Variants in IPO11 observed in about 807,000 individuals in gnomAD.
IPO11 encodes the protein importin 11.
IPO11 carries 66 observed loss-of-function variants against 143.2 expected under a neutral mutation model. That is an observed-to-expected ratio of 0.46 (90% confidence interval 0.38 to 0.57). The LOEUF is 0.57. Ranked by LOEUF, IPO11 falls within the 20% of genes least tolerant of loss-of-function variation. The probability of loss-of-function intolerance (pLI) is 0.00; values close to 1 mark genes in which losing one functional copy is unlikely to be tolerated. For synonymous variants in IPO11, 385 were observed against 377.8 expected (o/e 1.02, Z -0.22); for missense variants, 1,026 against 1,141.0 (o/e 0.90, Z 1.45).
chr5:62,535,816 T>A (rs1459757816), intron 22 of IPO11, among the ~76,000 whole-genome samples: 1 of 152,132 alleles, frequency 6.6e-6, no homozygotes, highest in Non-Finnish European at 1.5e-5. Flanking sequence ...TTTGTCTTAT[T>A]TTGAGTGAAT....
intron 1 of IPO11, among the ~76,000 whole-genome samples, chr5:62,429,326 G>A (rs1468442960): frequency 1.3e-5 from 2 of 152,154 alleles, no homozygotes; most frequent in African/African-American, 4.8e-5. Flanking sequence ...GCTCATTCAT[G>A]TTTTAGTATG....
At chr5:62,566,269 TCCTCAG>T (rs1743936042) in intron 27 of IPO11, among the ~76,000 whole-genome samples, 1 of 152,190 alleles carries the variant, frequency 6.6e-6, no homozygotes, top group Admixed American at 6.5e-5. Context: ...TTCCTATTTA[TCCTCAG>T]CCTCGCCAGC....
At chr5:62,501,588 T>C (rs1362421415) in intron 16 of IPO11, among the ~76,000 whole-genome samples, 1 of 152,172 alleles carries the variant, frequency 6.6e-6, no homozygotes, top group Non-Finnish European at 1.5e-5. Flanking sequence ...AGGAGATGAA[T>C]ACATCAAAGA....
rs1428471822 is a variant in IPO11, at chr5:62,627,882, T to C, written c.*564T>C. 1 of 152,604 alleles carries C rather than the reference T, an allele frequency of 6.6e-6. No individual in the cohort carries two copies. The highest frequency in any genetic ancestry group is 2.4e-5 in the African/African-American group (1 of 41,462). The allele number at this position is 152,604 out of a possible 1,614,324, so 9.5% of individuals were successfully genotyped here. On this transcript the variant is annotated 3_prime_UTR_variant, in exon 30 of 30. Transcript: ENST00000325324. ...CATCTAACATAGAAAGTGTGTTTTA[T>C]CAGACAAATGCTTTTATTTTCATTC...
intron 29 of IPO11, among the ~76,000 whole-genome samples, chr5:62,602,725 CTG>C (rs1240708891): frequency 6.6e-6 from 1 of 152,184 alleles, no homozygotes; most frequent in African/African-American, 2.4e-5. Context: ...TTCTTTTAAA[CTG>C]TTTGAATTTA....
intron 19 of IPO11, among the ~76,000 whole-genome samples, chr5:62,514,655 A>G (rs887274795): frequency 6.6e-6 from 1 of 151,850 alleles, no homozygotes; most frequent in Admixed American, 6.6e-5. Flanking sequence ...GGACATCCCC[A>G]AGGATATTCT....
chr5:62,424,902 A>C (rs957381086), intron 1 of IPO11, among the ~76,000 whole-genome samples: 2 of 152,094 alleles, frequency 1.3e-5, no homozygotes, highest in Non-Finnish European at 2.9e-5. Context: ...AAATTACTTC[A>C]TATTTACCTT....
At chr5:62,591,522 A>G (rs1745010210) in intron 27 of IPO11, 55 bp from the exon 28 acceptor site, 1 of 1,033,270 alleles carries the variant, frequency 9.7e-7, no homozygotes, top group Admixed American at 2.7e-5. Context: ...AAAAAAAAAC[A>G]AAAAGAATTA....
At chr5:62,428,009 G>T (rs1290821895) in intron 1 of IPO11, among the ~76,000 whole-genome samples, 2 of 152,232 alleles carry the variant, frequency 1.3e-5, no homozygotes, top group Non-Finnish European at 2.9e-5. Flanking sequence ...CAAACTGCCA[G>T]ACTTCTGCTG....
At chr5:62,546,439 G>A (rs763333129) in intron 24 of IPO11, among the ~76,000 whole-genome samples, 5 of 152,074 alleles carry the variant, frequency 3.3e-5, no homozygotes, top group Non-Finnish European at 7.4e-5. Context: ...CACACACTGG[G>A]GCCTGTCGTA....
chr5:62,566,576 A>G (rs977926408), intron 27 of IPO11, among the ~76,000 whole-genome samples: 2 of 151,794 alleles, frequency 1.3e-5, no homozygotes, highest in Non-Finnish European at 2.9e-5. Context: ...CTACTAAAAA[A>G]CAATACAGAA....
chr5:62,437,153 A>C (rs1744273635), intron 1 of IPO11, 121 bp from the exon 2 acceptor site: 1 of 641,580 alleles, frequency 1.6e-6, no homozygotes. Flanking sequence ...AAGGCAGAAC[A>C]TGAAGGATTA....
At chr5:62,572,541 GTTTGTTTATTTATTTATTTA>G (rs1159237036) in intron 27 of IPO11, among the ~76,000 whole-genome samples, 49 of 141,664 alleles carry the variant, frequency 3.5e-4, no homozygotes, top group African/African-American at 3.7e-4. Flanking sequence ...ATGTATATTT[GTTTGTTTATTTATTTATTTA>G]TTTATTTATT....
intron 28 of IPO11, among the ~76,000 whole-genome samples, chr5:62,598,380 C>T (rs28673493): frequency 0.68 from 15,752 of 23,334 alleles, 5,494 homozygotes; most frequent in African/African-American, 0.87. Flanking sequence ...AAATTGTTTG[C>T]TTGCTTGCTT....
intron 3 of IPO11, chr5:62,443,414 T>TGC (rs1554047768): frequency 1.8e-4 from 25 of 142,848 alleles, no homozygotes; most frequent in Admixed American, 4.9e-4. Context: ...TGTGTGTGTG[T>TGC]GTGTGTGCGT....
At chr5:62,584,533 A>G (rs557582370) in intron 27 of IPO11, among the ~76,000 whole-genome samples, 123 of 144,248 alleles carry the variant, frequency 8.5e-4, no homozygotes, top group Admixed American at 3.8e-3. Flanking sequence ...GGATTGCTTG[A>G]GCCCAGCGGG....
chr5:62,621,194 G>A (rs1428690923), intron 29 of IPO11, among the ~76,000 whole-genome samples: 1 of 152,176 alleles, frequency 6.6e-6, no homozygotes, highest in Non-Finnish European at 1.5e-5. Context: ...TAAGTTTTAA[G>A]TATTGGCAAA....
At chr5:62,461,819 T>C (rs1745369056) in intron 5 of IPO11, among the ~76,000 whole-genome samples, 1 of 152,200 alleles carries the variant, frequency 6.6e-6, no homozygotes, top group African/African-American at 2.4e-5. Context: ...ACAGAAATGT[T>C]TCAGATTTTT....
intron 5 of IPO11, among the ~76,000 whole-genome samples, chr5:62,461,361 C>T (rs562078054): frequency 1.2e-4 from 18 of 152,144 alleles, no homozygotes; most frequent in Non-Finnish European, 2.4e-4. Flanking sequence ...TTGATGATAT[C>T]AATGTCAAGG....
Sources: allele counts gnomAD v4.1 joint callset (sites outside exome capture counted in the v4.1 genomes callset), GRCh38; gene constraint gnomAD v4.1.1; transcripts MANE v1.5; gene names NCBI Gene and HGNC (gene_info 2026-07-23, HGNC 2026-07-21).